The following IRS2 variants were observed in gnomAD, a reference collection of about 807,000 sequenced individuals.
IRS2 encodes the protein insulin receptor substrate 2.
A neutral mutation model predicts 70.9 loss-of-function variants in IRS2; 28 were observed. That is an observed-to-expected ratio of 0.39 (90% confidence interval 0.29 to 0.54). The LOEUF is 0.54. IRS2 is among the 20% of genes least tolerant of loss of function. The pLI is 0.59. For synonymous variants in IRS2, 1,217 were observed against 981.9 expected (o/e 1.24, Z -4.48); for missense variants, 2,081 against 2,024.1 (o/e 1.03, Z -0.54).
At position 109,784,686 on chromosome 13, in the gene IRS2, C is replaced by G. The variant is rs1011422877; in HGVS notation, c.1368G>C (p.Ser456=). 6 of 1,237,444 alleles carry G rather than the reference C, an allele frequency of 4.8e-6. No homozygotes were observed. Among genetic ancestry groups the G allele is most frequent in the East Asian group, 6.5e-5 (2 of 30,740 alleles). The allele number at this position is 1,237,444 out of a possible 1,614,324, so 76.7% of individuals were successfully genotyped here. ...GSLSSSSGHG[S]GSYPPPPGPH... is the part of the protein sequence containing the mutation. Reference sequence around the variant, plus strand: ...GGCCGGGCGGCGGCGGGTAGGAGCCCGAGCCGTGGCCGCTGCTGGACGACA... The same window carrying G: ...GGCCGGGCGGCGGCGGGTAGGAGCCGGAGCCGTGGCCGCTGCTGGACGACA... Residue 456 remains serine, a synonymous_variant, in exon 1 of 2, where the codon TCG becomes TCC. Transcript: ENST00000375856. This position sits in a 1 kb window ranked among gnomAD's most constrained non-coding sequence, Gnocchi z 5.2.
At position 109,785,570 on chromosome 13, in the gene IRS2, A is replaced by ACGCGGCGGG. The variant is rs941719930; in HGVS notation, c.475_483dup (p.Pro159_Ala161dup). On this transcript the variant is annotated inframe_insertion, in exon 1 of 2. Transcript: ENST00000375856. The surrounding 1 kb of genome is among the most constrained non-coding windows in gnomAD (Gnocchi z 9.3). Reference sequence around the variant, plus strand: ...GCGCCGGGCAGGGAGGCGCTGCAGGACGCGGCGGGCGCGGCGGCGGGGGGC... The same window carrying ACGCGGCGGG: ...GCGCCGGGCAGGGAGGCGCTGCAGGACGCGGCGGGCGCGGCGGGCGCGGCGGCGGGGGGC... 2.4e-4 allele frequency: 312 copies of ACGCGGCGGG among 1,315,868 alleles called. No individual in the cohort carries two copies. The highest frequency in any genetic ancestry group is 3.0e-4 in the Non-Finnish European group (308 of 1,034,770). The allele number at this position is 1,315,868 out of a possible 1,614,324, so 81.5% of individuals were successfully genotyped here.
chr13:109,775,856 G>C (rs1029025732), intron 1 of IRS2, among the ~76,000 whole-genome samples: 6 of 151,150 alleles, frequency 4.0e-5, no homozygotes, highest in Admixed American at 1.3e-4. Flanking sequence ...AATATTAAAA[G>C]ATCCAGCATT....
chr13:109,756,202 A>T lies in IRS2; in HGVS notation c.*102T>A. The stretch of plus-strand genomic sequence containing the variant: ...CAAACACAGTCATTGCTCAGATCCA[A>T]AAGAAAACTGCAAGCAGCTTCGGGC... On this transcript the variant is annotated 3_prime_UTR_variant, in exon 2 of 2. Transcript: ENST00000375856. 1 of 1,066,592 alleles carries T rather than the reference A, an allele frequency of 9.4e-7. No homozygotes were observed. The highest frequency in any genetic ancestry group is 1.3e-5 in the South Asian group (1 of 78,890). 66.1% of individuals were successfully genotyped at this position (1,066,592 alleles called of 1,614,324 possible). A position where few individuals can be genotyped will look rare whatever the true frequency, so the allele number is the denominator to read the frequency against.
chr13:109,782,136 G>T lies in IRS2; in HGVS notation c.3918C>A (p.Cys1306Ter). The change falls in exon 1 of 2, where the codon TGC becomes TGA. Residue 1306 changes from cysteine (C) to a stop codon, truncating the protein, a stop_gained. Coordinates refer to ENST00000375856, the MANE Select transcript of IRS2 (RefSeq NM_003749.3). LOFTEE classifies it high-confidence loss of function. ...AVGVGSTGGGCGGPGPGALPP... is the reference protein window; with the variant it reads ...AVGVGSTGGG ...GCAGGGCACCGGGACCCGGCCCCCC[G>T]CACCCGCCGCCGGTGCTGCCGACGC... is the stretch of plus-strand genomic sequence containing the variant. 6.2e-7 allele frequency: 1 copy of T among 1,604,884 alleles called. No homozygotes were observed. Among genetic ancestry groups the T allele is most frequent in the Non-Finnish European group, 8.5e-7 (1 of 1,176,628 alleles).
rs1023027019 is a variant in IRS2, at chr13:109,783,266, G to T, written c.2788C>A (p.Arg930Ser). ...INIDFGEPGA[R>S]LSPPAPPLLA... ...AGGGGAGGCGCGGGCGGCGACAGGC[G>T]GGCCCCGGGCTCGCCAAAGTCGATG... The change falls in exon 1 of 2, where the codon CGC becomes AGC. Residue 930 changes from arginine (R) to serine (S), a missense_variant. Arg to Ser is a moderately radical substitution (Grantham distance 110, BLOSUM62 -1). Around this residue, in one of 4 missense-constraint regions of IRS2, gnomAD observed 1,615 missense variants for 1,459.5 expected, o/e 1.11. Coordinates refer to ENST00000375856, the MANE Select transcript of IRS2 (RefSeq NM_003749.3). The T allele has an allele frequency of 2.1e-6, 3 of 1,448,840 alleles. No individual in the cohort carries two copies. The highest frequency in any genetic ancestry group is 1.8e-6 in the Non-Finnish European group (2 of 1,105,082). 89.7% of individuals were successfully genotyped at this position (1,448,840 alleles called of 1,614,324 possible).
At chr13:109,761,265 T>A (rs761609463) in intron 1 of IRS2, among the ~76,000 whole-genome samples, 2 of 151,496 alleles carry the variant, frequency 1.3e-5, no homozygotes, top group Non-Finnish European at 3.0e-5. Flanking sequence ...ATTCATGGAG[T>A]AGGTAAAGAT....
rs1009278565 is a variant in IRS2 at position 109,784,755 on chromosome 13, C to A, written c.1299G>T (p.Met433Ile). 5 of 1,239,652 alleles carry A rather than the reference C, an allele frequency of 4.0e-6. No homozygotes were observed. The highest frequency in any genetic ancestry group is 3.4e-5 in the East Asian group (1 of 29,202). The allele number at this position is 1,239,652 out of a possible 1,614,324, so 76.8% of individuals were successfully genotyped here. Residue 433 changes from methionine to isoleucine, a missense_variant, in exon 1 of 2, where the codon ATG becomes ATT. This residue lies in a region of IRS2 where 1,615 missense variants were observed against 1,459.5 expected (regional missense o/e 1.11). Transcript: ENST00000375856. The surrounding 1 kb of genome is among the most constrained non-coding windows in gnomAD (Gnocchi z 5.2). ...GALQHSRSMSMPVAHSPPAAT... is the reference protein window; with the variant it reads ...GALQHSRSMSIPVAHSPPAAT... Reference sequence around the variant, plus strand: ...CGGCGGGCGGCGAGTGCGCCACGGGCATGGACATGGAGCGGCTGTGTTGCA... The same window carrying A: ...CGGCGGGCGGCGAGTGCGCCACGGGAATGGACATGGAGCGGCTGTGTTGCA...
Position 109,758,593 on chromosome 13 carries a change from A to G in IRS2, c.4013-2285T>C, listed in dbSNP as rs117182876. Among the ~76,000 whole-genome samples the G allele has an allele frequency of 6.3e-3, 961 of 152,132 alleles. 5 individuals carry two copies. Among genetic ancestry groups the G allele is most frequent in the Middle Eastern group, 0.017 (5 of 294 alleles). The stretch of plus-strand genomic sequence containing the variant: ...ATCGCTGTAATATTCAACTCTTATC[A>G]TTACATCTTTGCGAGCTCCAATTAA... On this transcript the variant is annotated intron_variant, in intron 1 of 1. Coordinates refer to ENST00000375856, the MANE Select transcript of IRS2 (RefSeq NM_003749.3).
chr13:109,768,667 G>C (rs1242446336), intron 1 of IRS2, among the ~76,000 whole-genome samples: 1 of 152,128 alleles, frequency 6.6e-6, no homozygotes, highest in Non-Finnish European at 1.5e-5. Context: ...GGCAGAGTTC[G>C]AAATAAGCGG....
chr13:109,756,184 A>C lies in IRS2; in HGVS notation c.*120T>G. 1.2e-6 allele frequency: 1 copy of C among 865,158 alleles called. No homozygotes were observed. Among genetic ancestry groups the C allele is most frequent in the Non-Finnish European group, 2.0e-6 (1 of 508,234 alleles). 53.6% of individuals were successfully genotyped at this position (865,158 alleles called of 1,614,324 possible). A position where few individuals can be genotyped will look rare whatever the true frequency, so the allele number is the denominator to read the frequency against. ...AGAGTCCACAGATGTTTCCAAACACAGTCATTGCTCAGATCCAAAAGAAAA... is the reference window on the plus strand; with the variant it reads ...AGAGTCCACAGATGTTTCCAAACACCGTCATTGCTCAGATCCAAAAGAAAA... On this transcript the variant is annotated 3_prime_UTR_variant, in exon 2 of 2. Transcript: ENST00000375856.
intron 1 of IRS2, among the ~76,000 whole-genome samples, chr13:109,767,512 T>C (rs973327914): frequency 6.6e-6 from 1 of 152,114 alleles, no homozygotes. Flanking sequence ...CCCAAGGCTG[T>C]GCCTGAGTCC....
At position 109,784,941 on chromosome 13, in the gene IRS2, C is replaced by T. The variant is rs1594392185; in HGVS notation, c.1113G>A (p.Ala371=). 5.4e-6 allele frequency: 6 copies of T among 1,113,484 alleles called. No individual in the cohort carries two copies. In the South Asian group the frequency reaches 2.6e-4, roughly 48 times the overall value. The allele number at this position is 1,113,484 out of a possible 1,614,324, so 69.0% of individuals were successfully genotyped here. A position where few individuals can be genotyped will look rare whatever the true frequency, so the allele number is the denominator to read the frequency against. The part of the protein sequence containing the change: ...VRTASEGDGG[A]AAGAAAAGAR... ...CGCCCGCGGCCGCCGCTCCCGCCGC[C>T]GCGCCGCCGTCGCCCTCGCTGGCGG... Residue 371 remains alanine, a synonymous_variant, in exon 1 of 2, where the codon GCG becomes GCA. Transcript: ENST00000375856. This position sits in a 1 kb window ranked among gnomAD's most constrained non-coding sequence, Gnocchi z 5.2.
chr13:109,782,292 G>C lies in IRS2; in HGVS notation c.3762C>G (p.Ile1254Met), dbSNP rs373454482. 5 of 1,611,476 alleles carry C rather than the reference G, an allele frequency of 3.1e-6. No homozygotes were observed. Among genetic ancestry groups the C allele is most frequent in the Non-Finnish European group, 4.2e-6 (5 of 1,179,418 alleles). The change falls in exon 1 of 2, where the codon ATC (isoleucine) becomes ATG (methionine). Residue 1254 changes from isoleucine to methionine, a missense_variant. Around this residue, in one of 4 missense-constraint regions of IRS2, gnomAD observed 1,615 missense variants for 1,459.5 expected, o/e 1.11. Transcript: ENST00000375856. ...SAGFQNGLNY[I>M]AIDVREEPGL... ...CGGGCTCCTCCCTCACGTCGATGGCGATGTAGTTGAGACCATTCTGGAAGC... is the reference window on the plus strand; with the variant it reads ...CGGGCTCCTCCCTCACGTCGATGGCCATGTAGTTGAGACCATTCTGGAAGC...
intron 1 of IRS2, among the ~76,000 whole-genome samples, chr13:109,778,042 AG>A (rs1877617337): frequency 6.6e-6 from 1 of 152,228 alleles, no homozygotes; most frequent in South Asian, 2.1e-4. Context: ...CATTTACAAA[AG>A]TGTCTTTCCT....
At chr13:109,761,532 T>G (rs1336378958) in intron 1 of IRS2, among the ~76,000 whole-genome samples, 1 of 136,060 alleles carries the variant, frequency 7.3e-6, no homozygotes, top group East Asian at 2.1e-4. Context: ...CTGAGAAAAA[T>G]AAACCCGATA....
At chr13:109,763,408 T>C (rs1877268711) in intron 1 of IRS2, among the ~76,000 whole-genome samples, 1 of 152,188 alleles carries the variant, frequency 6.6e-6, no homozygotes, top group African/African-American at 2.4e-5. Flanking sequence ...TTGGAATGAA[T>C]TTCTCTTAGC....
rs200632751 is a variant in IRS2 at position 109,758,914 on chromosome 13, GA to G, written c.4013-2607del. Among the ~76,000 whole-genome samples, 274 of 143,922 alleles carry G rather than the reference GA, an allele frequency of 1.9e-3. 2 individuals are homozygous for G. The highest frequency in any genetic ancestry group is 0.015 in the South Asian group (68 of 4,442). 94.4% of individuals were successfully genotyped at this position (143,922 alleles called of 152,430 possible). A position where few individuals can be genotyped will look rare whatever the true frequency, so the allele number is the denominator to read the frequency against. On this transcript the variant is annotated intron_variant, in intron 1 of 1. Coordinates refer to ENST00000375856, the MANE Select transcript of IRS2 (RefSeq NM_003749.3). ...AAGGGGAAGAGGAAGGGGAAGGAAA[GA>G]AAAAAAAAGAAGGAGGGAGGAAGGG...
rs909170479 is a variant in IRS2, at chr13:109,754,114, G to C, written c.*2190C>G. 8.2e-5 allele frequency: 19 copies of C among 231,810 alleles called. No individual in the cohort carries two copies. The highest frequency in any genetic ancestry group is 3.5e-4 in the African/African-American group (16 of 45,352). 14.4% of individuals were successfully genotyped at this position (231,810 alleles called of 1,614,324 possible). ...AAAACACTGTTTAATAACTGTTAAA[G>C]TTTATATAGCAAAAAATATTTTAAA... On this transcript the variant is annotated 3_prime_UTR_variant, in exon 2 of 2. Coordinates refer to ENST00000375856, the MANE Select transcript of IRS2 (RefSeq NM_003749.3).
chr13:109,755,233 G>GT lies in IRS2; in HGVS notation c.*1070dup, dbSNP rs57032199. 0.77 allele frequency: 159,367 copies of GT among 207,628 alleles called. 60,028 individuals carry two copies. The highest frequency in any genetic ancestry group is 0.82 in the Middle Eastern group (585 of 712). 12.9% of individuals were successfully genotyped at this position (207,628 alleles called of 1,614,324 possible). On this transcript the variant is annotated 3_prime_UTR_variant, in exon 2 of 2. Coordinates refer to ENST00000375856, the MANE Select transcript of IRS2 (RefSeq NM_003749.3). ...TCTTTCCTTTTTTTTTTTTCTTTTT[G>GT]TTTTTTTTGTTCAGGGCAGCCTCAC...
Sources: gnomAD v4.1 joint callset for allele counts (sites outside exome capture counted in the v4.1 genomes callset) on GRCh38, gnomAD v4.1.1 for gene constraint, gnomAD v4.1.1 regional missense constraint, Gnocchi (gnomAD v3.1) non-coding constraint, MANE v1.5 for transcripts, NCBI Gene and HGNC (gene_info 2026-07-23, HGNC 2026-07-21) for gene names.